The following EPHA7 variants were observed in gnomAD, a reference collection of about 807,000 sequenced individuals.
EPHA7 encodes EPH receptor A7.
In EPHA7, 25 loss-of-function variants were observed where a neutral mutation model predicts 112.6. That is an observed-to-expected ratio of 0.22 (90% CI 0.16 to 0.31). The LOEUF (loss-of-function observed/expected upper bound fraction) is 0.31. Among genes scored for constraint, EPHA7 ranks in the 10% least tolerant of loss-of-function variants. EPHA7 has a pLI of 1.00. For missense variants in EPHA7, 962 were observed against 1,212.6 expected (o/e 0.79, Z 3.07); for synonymous variants, 437 against 406.5 (o/e 1.07, Z -0.90).
At chr6:93,419,131 G>T in intron 1 of EPHA7, 114 bp downstream of exon 1, 1 of 777,246 alleles carries the variant, frequency 1.3e-6, no homozygotes. Flanking sequence ...AGCCGGCGGG[G>T]GAGGGTCGCC....
chr6:93,346,189 A>G (rs1775398808), intron 5 of EPHA7, among the ~76,000 whole-genome samples: 1 of 151,780 alleles, frequency 6.6e-6, no homozygotes, highest in African/African-American at 2.4e-5. Flanking sequence ...TACTGTCGTC[A>G]TCATTATTAC....
At chr6:93,383,354 TTAA>T (rs1777444047) in intron 3 of EPHA7, among the ~76,000 whole-genome samples, 1 of 151,580 alleles carries the variant, frequency 6.6e-6, no homozygotes, top group Admixed American at 6.6e-5. Context: ...TAATTTAATG[TTAA>T]TAATAATCTT....
At chr6:93,414,618 G>T in intron 2 of EPHA7, 85 bp downstream of exon 2, 1 of 970,522 alleles carries the variant, frequency 1.0e-6, no homozygotes, top group Non-Finnish European at 1.6e-6. Context: ...TATACATGAA[G>T]AGTGTGAATA....
chr6:93,303,557 CTTAAGG>C (rs2127853024), intron 5 of EPHA7, among the ~76,000 whole-genome samples: 1 of 152,082 alleles, frequency 6.6e-6, no homozygotes, highest in East Asian at 1.9e-4. Flanking sequence ...TACATATTAC[CTTAAGG>C]AGTACATCTT....
chr6:93,411,302 C>G (rs1778966958), intron 2 of EPHA7, 132 bp from the exon 3 acceptor site: 6 of 695,644 alleles, frequency 8.6e-6, no homozygotes, highest in Non-Finnish European at 1.2e-5. Context: ...AACTATAAAC[C>G]AGAGAATGTA....
intron 3 of EPHA7, among the ~76,000 whole-genome samples, chr6:93,370,476 T>G (rs1272056085): frequency 6.6e-6 from 1 of 152,204 alleles, no homozygotes; most frequent in Non-Finnish European, 1.5e-5. Context: ...ACATTTCTAT[T>G]GGAAAACAGA....
chr6:93,248,355 A>G lies in EPHA7; in HGVS notation c.2533-1370T>C, dbSNP rs139878976. On this transcript the variant is annotated intron_variant, in intron 14 of 16. Coordinates refer to ENST00000369303, the MANE Select transcript of EPHA7 (RefSeq NM_004440.4). ...TCTTTTGTATAAGGGAAAAAAGTATACTTTTTTCTTTAAGAAAAATCTCTA... is the reference window on the plus strand; with the variant it reads ...TCTTTTGTATAAGGGAAAAAAGTATGCTTTTTTCTTTAAGAAAAATCTCTA... Among the ~76,000 whole-genome samples the G allele has an allele frequency of 3.0e-3, 461 of 152,222 alleles. 1 individual carries two copies. The highest frequency in any genetic ancestry group is 1.0e-2 in the African/African-American group (415 of 41,560).
intron 5 of EPHA7, among the ~76,000 whole-genome samples, chr6:93,342,419 G>C (rs1193254820): frequency 6.6e-6 from 1 of 151,830 alleles, no homozygotes; most frequent in Non-Finnish European, 1.5e-5. Context: ...GCTTTCAGAA[G>C]AGAGTATCAC....
At chr6:93,298,161 G>GA (rs946854910) in intron 5 of EPHA7, among the ~76,000 whole-genome samples, 1 of 151,956 alleles carries the variant, frequency 6.6e-6, no homozygotes, top group Non-Finnish European at 1.5e-5. Flanking sequence ...CCTGGCCTTG[G>GA]AAAAAAATAT....
chr6:93,261,058 G>A (rs937659136), intron 9 of EPHA7, among the ~76,000 whole-genome samples: 1 of 151,564 alleles, frequency 6.6e-6, no homozygotes, highest in South Asian at 2.1e-4. Flanking sequence ...CTTTATTCAA[G>A]CTGTCATAAA....
intron 5 of EPHA7, among the ~76,000 whole-genome samples, chr6:93,281,174 A>G (rs1771718736): frequency 6.6e-6 from 1 of 152,190 alleles, no homozygotes; most frequent in African/African-American, 2.4e-5. Flanking sequence ...TACATCATCA[A>G]TGTTAAGTCA....
At position 93,364,334 on chromosome 6, in the gene EPHA7, G is replaced by T. The variant is rs188752994; in HGVS notation, c.833-5923C>A. ...AGGTCAGGAGTTTGAGACCACCCTG[G>T]CCAACATGACGAAATCCTGTCTCTA... On this transcript the variant is annotated intron_variant, in intron 3 of 16. Transcript: ENST00000369303. 2.6e-5 allele frequency among the ~76,000 whole-genome samples: 4 copies of T among 152,132 alleles called. No individual in the cohort carries two copies. In the East Asian group the frequency reaches 7.8e-4, roughly 30 times the overall value.
intron 5 of EPHA7, among the ~76,000 whole-genome samples, chr6:93,334,699 T>C (rs968243411): frequency 6.6e-6 from 1 of 152,070 alleles, no homozygotes; most frequent in African/African-American, 2.4e-5. Flanking sequence ...CATAGAAAAC[T>C]GTATCCCTGT....
intron 5 of EPHA7, among the ~76,000 whole-genome samples, chr6:93,314,803 G>T (rs1002553565): frequency 2.7e-5 from 4 of 148,532 alleles, no homozygotes; most frequent in Admixed American, 6.7e-5. Flanking sequence ...AAGTCACTAT[G>T]ATATTTATAT....
intron 5 of EPHA7, among the ~76,000 whole-genome samples, chr6:93,281,980 G>C (rs1303603453): frequency 6.6e-6 from 1 of 151,640 alleles, no homozygotes; most frequent in East Asian, 1.9e-4. Flanking sequence ...ATAATTTTAT[G>C]TAATATATAC....
At chr6:93,262,642 T>C (rs1297619090) in intron 9 of EPHA7, among the ~76,000 whole-genome samples, 1 of 151,366 alleles carries the variant, frequency 6.6e-6, no homozygotes, top group Non-Finnish European at 1.5e-5. Flanking sequence ...ATGCCCTTCT[T>C]ATCATCAGAG....
intron 5 of EPHA7, among the ~76,000 whole-genome samples, chr6:93,285,605 G>A (rs1582449499): frequency 6.6e-6 from 1 of 151,498 alleles, no homozygotes; most frequent in African/African-American, 2.4e-5. Flanking sequence ...AAATGTGTTT[G>A]CTATTTCTAC....
At position 93,258,258 on chromosome 6, in the gene EPHA7, G is replaced by A. The variant is rs571637670; in HGVS notation, c.1951C>T (p.Arg651Cys). 1.3e-4 allele frequency: 213 copies of A among 1,608,854 alleles called. No homozygotes were observed. The highest frequency in any genetic ancestry group is 1.6e-4 in the Non-Finnish European group (186 of 1,177,254). ...AGEFGEVCSG[R>C]LKLPGKRDVA... ...TCTCTTTTCCCTGGAAGTTTCAAAC[G>A]GCCACTGCAGACTTCACCGAATTCT... is the stretch of plus-strand genomic sequence containing the variant. The change falls in exon 11 of 17, where the codon CGT becomes TGT. Residue 651 changes from arginine to cysteine, a missense_variant. Arg to Cys is a radical substitution (Grantham distance 180). This residue lies in a region of EPHA7 where 746 missense variants were observed against 889.2 expected (regional missense o/e 0.84). Transcript: ENST00000369303.
intron 3 of EPHA7, among the ~76,000 whole-genome samples, chr6:93,386,500 G>T (rs1207953153): frequency 6.6e-6 from 1 of 152,168 alleles, no homozygotes; most frequent in East Asian, 1.9e-4. Context: ...TCATGAGCTA[G>T]CAATGAGTGC....
Sources: gnomAD v4.1 joint callset for allele counts (sites outside exome capture counted in the v4.1 genomes callset) on GRCh38, gnomAD v4.1.1 for gene constraint, gnomAD v4.1.1 regional missense constraint, MANE v1.5 for transcripts, NCBI Gene and HGNC (gene_info 2026-07-23, HGNC 2026-07-21) for gene names.